Variants in FGD1 observed in about 807,000 individuals in gnomAD.
FGD1 encodes the protein FYVE, RhoGEF and PH domain-containing protein 1.
In FGD1, 12 loss-of-function variants were observed where a neutral mutation model predicts 65.0. The observed-to-expected ratio is 0.18, with a 90% confidence interval of 0.12 to 0.30. The LOEUF (loss-of-function observed/expected upper bound fraction) is 0.30. FGD1 is among the 10% of genes least tolerant of loss of function. FGD1 has a pLI of 1.00. For missense variants in FGD1, 542 were observed against 837.6 expected (o/e 0.65, Z 4.36); for synonymous variants, 333 against 343.9 (o/e 0.97, Z 0.35).
rs1216872488 is a variant in FGD1 at position 54,462,985 on chromosome X, G to A, written c.1636+2466C>T. 2.7e-5 allele frequency among the ~76,000 whole-genome samples: 3 copies of A among 109,687 alleles called. No homozygotes were observed. The Admixed American group carries it at 2.9e-4, about 11-fold the overall frequency. ...TCACCATGTTGGCCAGGCTGGTCTC[G>A]AACTCCTGACTTTGTGATCCACCTG... On this transcript the variant is annotated intron_variant, in intron 8 of 17. Transcript: ENST00000375135.
At chrX:54,462,826 G>A (rs1271727631) in intron 8 of FGD1, among the ~76,000 whole-genome samples, 4 of 94,333 alleles carry the variant, frequency 4.2e-5, no homozygotes, top group African/African-American at 1.2e-4. Context: ...GTGCAGTGGC[G>A]CCACCTCGGC....
intron 6 of FGD1, among the ~76,000 whole-genome samples, chrX:54,466,530 A>C (rs981292205): frequency 9.0e-6 from 1 of 111,216 alleles, no homozygotes; most frequent in African/African-American, 3.3e-5. Flanking sequence ...CTGGATTGGA[A>C]GAAGGCCTGA....
intron 8 of FGD1, among the ~76,000 whole-genome samples, chrX:54,461,311 A>C (rs1922623254): frequency 9.1e-6 from 1 of 110,155 alleles, no homozygotes; most frequent in Admixed American, 9.8e-5. Context: ...AATGAAAAAT[A>C]GGGGTCGTTG....
At chrX:54,466,535 G>T (rs781210016) in intron 6 of FGD1, among the ~76,000 whole-genome samples, 1 of 111,228 alleles carries the variant, frequency 9.0e-6, no homozygotes, top group East Asian at 2.8e-4. Flanking sequence ...TTGGAAGAAG[G>T]CCTGAGAGGC....
At chrX:54,473,270 A>G in intron 1 of FGD1, among the ~76,000 whole-genome samples, 1 of 112,321 alleles carries the variant, frequency 8.9e-6, no homozygotes, top group Non-Finnish European at 1.9e-5. Flanking sequence ...CTGAGTCACA[A>G]AAGATATACA....
chrX:54,471,232 T>G (rs1269983479), intron 2 of FGD1, 82 bp downstream of exon 2: 1 of 1,069,028 alleles, frequency 9.4e-7, no homozygotes, highest in Admixed American at 2.2e-5. Flanking sequence ...TAACAAACCC[T>G]CTTCTCTGCC....
intron 12 of FGD1, among the ~76,000 whole-genome samples, chrX:54,450,661 TGAG>T (rs2147424059): frequency 9.0e-6 from 1 of 110,815 alleles, no homozygotes; most frequent in Admixed American, 9.7e-5. Flanking sequence ...GAAGTTTGGG[TGAG>T]GACTTTTCAA....
chrX:54,496,219 G>C lies in FGD1; in HGVS notation c.-787C>G, dbSNP rs1464213577. 8.9e-6 allele frequency: 1 copy of C among 112,014 alleles called. No homozygotes were observed. The highest frequency in any genetic ancestry group is 1.9e-5 in the Non-Finnish European group (1 of 53,006). The allele number at this position is 112,014 out of a possible 1,213,427, so 9.2% of individuals were successfully genotyped here. A position where few individuals can be genotyped will look rare whatever the true frequency, so the allele number is the denominator to read the frequency against. On this transcript the variant is annotated 5_prime_UTR_variant, in exon 1 of 18. Coordinates refer to ENST00000375135, the MANE Select transcript of FGD1 (RefSeq NM_004463.3). ...CGCAGAGGCAGCCGCAGCCACAGCG[G>C]CACTGGGACCCAGTTACCGGGGCCC...
intron 10 of FGD1, 27 bp downstream of exon 10, chrX:54,456,193 A>G: frequency 8.3e-7 from 1 of 1,206,227 alleles, no homozygotes; most frequent in Non-Finnish European, 1.1e-6. Context: ...GGCATGACCC[A>G]CCCACAATTC....
At chrX:54,465,634 C>A in intron 7 of FGD1, 45 bp from the exon 8 acceptor site, 1 of 1,210,703 alleles carries the variant, frequency 8.3e-7, no homozygotes, top group Non-Finnish European at 1.1e-6. Flanking sequence ...GCTGCAGATG[C>A]CCCACCACAT....
In FGD1 at chrX:54,491,329, A is replaced by G. The variant is rs531644983; in HGVS notation, c.307+3797T>C. On this transcript the variant is annotated intron_variant, in intron 1 of 17. Coordinates refer to ENST00000375135, the MANE Select transcript of FGD1 (RefSeq NM_004463.3). ...GTCCCAGAATGGCAACTGCCTTCCA[A>G]TTTGAACTGCCAAATGGTAGCCATT... is the stretch of plus-strand genomic sequence containing the variant. 3.1e-3 allele frequency among the ~76,000 whole-genome samples: 351 copies of G among 112,202 alleles called. 3 individuals carry two copies. Among genetic ancestry groups the G allele is most frequent in the South Asian group, 9.3e-3 (25 of 2,686 alleles).
In FGD1 at chrX:54,445,874, C is replaced by G. The variant is rs992180391; in HGVS notation, c.*235G>C. On this transcript the variant is annotated 3_prime_UTR_variant, in exon 18 of 18. Transcript: ENST00000375135. The stretch of plus-strand genomic sequence containing the variant: ...AGGTAGGACTGGCAACGGCTCCCAC[C>G]CTCCCTGGGGACAGGGATTAATAAA... 13 of 388,815 alleles carry G rather than the reference C, an allele frequency of 3.3e-5. No homozygotes were observed. The Admixed American group carries it at 5.8e-4, about 17-fold the overall frequency. 32.0% of individuals were successfully genotyped at this position (388,815 alleles called of 1,213,427 possible). A position where few individuals can be genotyped will look rare whatever the true frequency, so the allele number is the denominator to read the frequency against.
At chrX:54,477,665 G>A (rs2147439572) in intron 1 of FGD1, among the ~76,000 whole-genome samples, 1 of 110,015 alleles carries the variant, frequency 9.1e-6, no homozygotes, top group South Asian at 4.0e-4. Context: ...CCGACCTCAG[G>A]TGATCCACCT....
chrX:54,466,755 GTTT>G (rs59381335), intron 6 of FGD1, among the ~76,000 whole-genome samples: 6 of 89,581 alleles, frequency 6.7e-5, no homozygotes, highest in African/African-American at 3.0e-4. Flanking sequence ...TTGTTTGTTT[GTTT>G]TTTTTTTTTT....
At chrX:54,480,071 T>G (rs1158444005) in intron 1 of FGD1, among the ~76,000 whole-genome samples, 1 of 112,902 alleles carries the variant, frequency 8.9e-6, no homozygotes, top group Admixed American at 9.4e-5. Context: ...CTTTCTATAG[T>G]GTGAAGACAC....
intron 1 of FGD1, among the ~76,000 whole-genome samples, chrX:54,482,236 G>GCGCACGCACA (rs796491256): frequency 1.0e-5 from 1 of 99,367 alleles, no homozygotes; most frequent in African/African-American, 3.9e-5. Flanking sequence ...GCACACGCGC[G>GCGCACGCACA]CACACACACA....
chrX:54,465,879 G>A, intron 6 of FGD1, 27 bp from the exon 7 acceptor site: 1 of 1,208,820 alleles, frequency 8.3e-7, no homozygotes, highest in Non-Finnish European at 1.1e-6. Context: ...GGCTGATGTG[G>A]TCCTGCTGCT....
chrX:54,495,415 G>A lies in FGD1; in HGVS notation c.18C>T (p.Ala6=). ...GCTCCGAAGGCCCGGCGCCCCCCGG[G>A]GCTCGGTGGCCATGCATGGTCCGGG... MHGHR[A]PGGAGPSEPE... Residue 6 remains alanine (A), a synonymous_variant, in exon 1 of 18, where the codon GCC becomes GCT. Coordinates refer to ENST00000375135, the MANE Select transcript of FGD1 (RefSeq NM_004463.3). The A allele has an allele frequency of 9.1e-7, 1 of 1,093,529 alleles. No homozygotes were observed. The highest frequency in any genetic ancestry group is 1.2e-6 in the Non-Finnish European group (1 of 845,836). 90.1% of individuals were successfully genotyped at this position (1,093,529 alleles called of 1,213,427 possible). A position where few individuals can be genotyped will look rare whatever the true frequency, so the allele number is the denominator to read the frequency against.
chrX:54,480,827 T>G (rs760579577), intron 1 of FGD1, among the ~76,000 whole-genome samples: 11 of 110,544 alleles, frequency 1.0e-4, no homozygotes, highest in Non-Finnish European at 2.1e-4. Context: ...AATTTTTGGA[T>G]TTTTAGTAGA....
Sources: gnomAD v4.1 joint callset for allele counts (sites outside exome capture counted in the v4.1 genomes callset) on GRCh38, gnomAD v4.1.1 for gene constraint, MANE v1.5 for transcripts, NCBI Gene and HGNC (gene_info 2026-07-23, HGNC 2026-07-21) for gene names.